The following ERC1 variants were observed in gnomAD, a reference collection of about 807,000 sequenced individuals.
ERC1 encodes ELKS/RAB6-interacting/CAST family member 1.
A neutral mutation model predicts 132.0 loss-of-function variants in ERC1; 56 were observed. The observed-to-expected ratio is 0.42, with a 90% CI of 0.34 to 0.53. The LOEUF (loss-of-function observed/expected upper bound fraction) is 0.53, where lower values mean the gene tolerates loss of function less well. ERC1 is among the 20% of genes least tolerant of loss of function. The pLI is 0.03. For missense variants in ERC1, 1,202 were observed against 1,349.9 expected (o/e 0.89, Z 1.72); for synonymous variants, 478 against 476.1 (o/e 1.00, Z -0.05).
intron 8 of ERC1, among the ~76,000 whole-genome samples, chr12:1,169,010 GAA>G (rs973491742): frequency 6.6e-6 from 1 of 151,856 alleles, no homozygotes; most frequent in South Asian, 2.1e-4. Context: ...ACATGGTGAA[GAA>G]AAAAATAATC....
At chr12:1,426,986 G>A (rs950598768) in intron 17 of ERC1, among the ~76,000 whole-genome samples, 3 of 152,074 alleles carry the variant, frequency 2.0e-5, no homozygotes, top group Non-Finnish European at 2.9e-5. Flanking sequence ...CTGGAGAGCT[G>A]CAGTGCCTGG....
intron 16 of ERC1, among the ~76,000 whole-genome samples, chr12:1,385,167 T>C (rs2089173497): frequency 6.6e-6 from 1 of 152,260 alleles, no homozygotes; most frequent in Non-Finnish European, 1.5e-5. Context: ...AGTTGCATCA[T>C]ATTCCCCTAG....
At chr12:1,360,632 G>A (rs2086000088) in intron 15 of ERC1, among the ~76,000 whole-genome samples, 1 of 152,136 alleles carries the variant, frequency 6.6e-6, no homozygotes, top group African/African-American at 2.4e-5. Flanking sequence ...CAATAAAACT[G>A]TGAAGCTTAA....
Position 1,400,916 on chromosome 12 carries a change from ATTTTTTTTTTTTTTTTTTTTT to A in ERC1, c.2926-7216_2926-7196del, listed in dbSNP as rs869202443. On this transcript the variant is annotated intron_variant, in intron 16 of 18. Coordinates refer to ENST00000360905, the MANE Select transcript of ERC1 (RefSeq NM_178040.4). ...TCAATATTGTTTTGGCTATTTTTGT[ATTTTTTTTTTTTTTTTTTTTT>A]TTTTTTTTTTTTTTTTGTGACGGAG... 2.7e-4 allele frequency among the ~76,000 whole-genome samples: 4 copies of A among 15,058 alleles called. No homozygotes were observed. The East Asian group carries it at 0.01, about 38-fold the overall frequency. 9.9% of individuals were successfully genotyped at this position (15,058 alleles called of 152,430 possible).
At chr12:1,024,661 G>T (rs1471041296) in intron 1 of ERC1, among the ~76,000 whole-genome samples, 5 of 151,868 alleles carry the variant, frequency 3.3e-5, no homozygotes, top group Non-Finnish European at 7.4e-5. Context: ...CTTGACCTAA[G>T]CCAATGCTTT....
At chr12:1,135,542 A>G (rs1382552080) in intron 7 of ERC1, among the ~76,000 whole-genome samples, 2 of 152,232 alleles carry the variant, frequency 1.3e-5, no homozygotes, top group African/African-American at 4.8e-5. Context: ...ATATTTGGAA[A>G]TAGGGTCTTT....
chr12:1,415,479 A>G (rs1340089919), intron 17 of ERC1, among the ~76,000 whole-genome samples: 2 of 152,250 alleles, frequency 1.3e-5, no homozygotes, highest in African/African-American at 4.8e-5. Context: ...TTGTAAAACA[A>G]GCATCTCCTT....
chr12:1,131,057 T>C (rs1475427194), intron 7 of ERC1, among the ~76,000 whole-genome samples: 1 of 152,226 alleles, frequency 6.6e-6, no homozygotes, highest in Non-Finnish European at 1.5e-5. Flanking sequence ...AGATTTAACA[T>C]ACATTAAAAT....
chr12:1,028,059 A>G lies in ERC1; in HGVS notation c.156A>G (p.Lys52=). 2.5e-6 allele frequency: 4 copies of G among 1,614,162 alleles called. No individual in the cohort carries two copies. The highest frequency in any genetic ancestry group is 1.1e-5 in the South Asian group (1 of 91,082). ...GCAGTGTTGGAGGTGGCAGTGGGAA[A>G]ACCCTTTCAATGGAAAATATACAAT... ...SGSSVGGGSG[K]TLSMENIQSL... Residue 52 remains lysine, a synonymous_variant, in exon 2 of 19, where the codon AAA becomes AAG. Transcript: ENST00000360905.
chr12:1,204,937 G>T (rs73025607), intron 12 of ERC1, among the ~76,000 whole-genome samples: 1 of 152,032 alleles, frequency 6.6e-6, no homozygotes, highest in African/African-American at 2.4e-5. Flanking sequence ...TTACTGAGAC[G>T]AACTTTCAGA....
chr12:1,001,880 A>C (rs1356229816), intron 1 of ERC1, among the ~76,000 whole-genome samples: 1 of 110,238 alleles, frequency 9.1e-6, no homozygotes, highest in Non-Finnish European at 1.7e-5. Context: ...TTTTTTCCTG[A>C]GACGGAGTCT....
At chr12:1,481,138 A>T (rs1195537118) in intron 18 of ERC1, among the ~76,000 whole-genome samples, 1 of 152,248 alleles carries the variant, frequency 6.6e-6, no homozygotes, top group African/African-American at 2.4e-5. Flanking sequence ...TGAATTGTTT[A>T]TTTCTGGAAT....
intron 16 of ERC1, among the ~76,000 whole-genome samples, chr12:1,388,337 C>T (rs1018223243): frequency 8.4e-6 from 1 of 119,438 alleles, no homozygotes; most frequent in Non-Finnish European, 1.6e-5. Flanking sequence ...GTGACAGAGA[C>T]TCTGTCTCAA....
At chr12:1,199,747 C>A (rs1408759922) in intron 12 of ERC1, among the ~76,000 whole-genome samples, 4 of 151,274 alleles carry the variant, frequency 2.6e-5, no homozygotes, top group Non-Finnish European at 5.9e-5. Flanking sequence ...CATTGCACTT[C>A]AGCCTGGGCA....
intron 12 of ERC1, among the ~76,000 whole-genome samples, chr12:1,201,652 G>A (rs907715781): frequency 3.9e-5 from 6 of 152,098 alleles, no homozygotes; most frequent in Non-Finnish European, 7.4e-5. Flanking sequence ...AGTGTAACCC[G>A]GAAATGTAAA....
intron 12 of ERC1, among the ~76,000 whole-genome samples, chr12:1,230,512 G>A (rs1226996992): frequency 1.3e-5 from 2 of 152,104 alleles, no homozygotes; most frequent in Non-Finnish European, 2.9e-5. Flanking sequence ...TTATATTCTG[G>A]GGAATGCTCT....
At chr12:1,166,303 C>T (rs758672484) in intron 8 of ERC1, among the ~76,000 whole-genome samples, 21 of 152,126 alleles carry the variant, frequency 1.4e-4, no homozygotes, top group Non-Finnish European at 2.5e-4. Context: ...GAGAAGCTCC[C>T]CTGCACAAGC....
intron 12 of ERC1, among the ~76,000 whole-genome samples, chr12:1,196,376 A>G (rs16928273): frequency 0.055 from 8,313 of 152,202 alleles, 490 homozygotes; most frequent in African/African-American, 0.15. Context: ...TTTGAATCTA[A>G]GGAAGATACC....
At chr12:1,295,371 G>A (rs1327484883) in intron 15 of ERC1, among the ~76,000 whole-genome samples, 1 of 152,124 alleles carries the variant, frequency 6.6e-6, no homozygotes, top group Non-Finnish European at 1.5e-5. Flanking sequence ...TCATATACAA[G>A]CACAGTATAC....
Sources: gnomAD v4.1 joint callset for allele counts (sites outside exome capture counted in the v4.1 genomes callset) on GRCh38, gnomAD v4.1.1 for gene constraint, MANE v1.5 for transcripts, NCBI Gene and HGNC (gene_info 2026-07-23, HGNC 2026-07-21) for gene names.